Variants in UGT3A1 observed in about 807,000 individuals in gnomAD.
The protein encoded by UGT3A1 is UDP glycosyltransferase family 3 member A1, also known as UDP-glycosyltransferase 3A1.
UGT3A1 carries 40 observed loss-of-function variants against 37.6 expected under a neutral mutation model. That is an observed-to-expected ratio of 1.06 (90% confidence interval 0.83 to 1.38). The LOEUF is 1.38. Among genes scored for constraint, UGT3A1 ranks in the 40% most tolerant of loss-of-function variants. The pLI is 0.00. For synonymous variants in UGT3A1, 256 were observed against 232.3 expected (o/e 1.10, Z -0.93); for missense variants, 642 against 634.2 (o/e 1.01, Z -0.13).
In UGT3A1 at chr5:35,951,944, T is replaced by C. The variant is rs1456195745; in HGVS notation, c.*2258A>G. ...CTAGCAGTATTTGTTCCAGGCACTA[T>C]GCCAGGTTCTATAACAAGATAAATA... On this transcript the variant is annotated 3_prime_UTR_variant, in exon 7 of 7. Coordinates refer to ENST00000274278, the MANE Select transcript of UGT3A1 (RefSeq NM_152404.4). 2 of 152,242 alleles carry C rather than the reference T, an allele frequency of 1.3e-5. No homozygotes were observed. The highest frequency in any genetic ancestry group is 2.4e-5 in the African/African-American group (1 of 41,454). 9.4% of individuals were successfully genotyped at this position (152,242 alleles called of 1,614,324 possible).
chr5:35,997,478 A>C (rs1741124579), intron 1 of UGT3A1: 1 of 151,444 alleles, frequency 6.6e-6, no homozygotes, highest in Non-Finnish European at 1.5e-5. Flanking sequence ...CCCAAGCTGG[A>C]GTGCAATGGT....
Position 35,957,293 on chromosome 5 carries a change from G to C in UGT3A1, c.970C>G (p.Pro324Ala). 1 of 1,614,148 alleles carries C rather than the reference G, an allele frequency of 6.2e-7. No individual in the cohort carries two copies. The highest frequency in any genetic ancestry group is 2.2e-5 in the East Asian group (1 of 44,878). The change falls in exon 5 of 7, where the codon CCT becomes GCT. Residue 324 changes from proline to alanine, a missense_variant. Pro to Ala is a conservative substitution (Grantham distance 27). Coordinates refer to ENST00000274278, the MANE Select transcript of UGT3A1 (RefSeq NM_152404.4). ...TGACATGTCCATATCACTCCTTGAG[G>C]GAGGTGGGCAAAGGCATTGTGCATC... ...KKMHNAFAHL[P>A]QGVIWTCQSS... is the part of the protein sequence containing the mutation.
upstream of UGT3A1, among the ~76,000 whole-genome samples, chr5:35,994,328 TTTGTTTG>T (rs1218346781): frequency 2.5e-5 from 3 of 119,844 alleles, no homozygotes; most frequent in Non-Finnish European, 5.2e-5. Context: ...TTTGTTTTGT[TTTGTTTG>T]TGTGTGTGTG....
chr5:35,977,054 G>C (rs1740310310), intron 2 of UGT3A1, among the ~76,000 whole-genome samples: 1 of 141,440 alleles, frequency 7.1e-6, no homozygotes, highest in African/African-American at 2.6e-5. Flanking sequence ...GGGAGAAAGA[G>C]AAGAGAAAGA....
chr5:35,997,513 G>C (rs969343634), intron 1 of UGT3A1, among the ~76,000 whole-genome samples: 4 of 151,078 alleles, frequency 2.6e-5, no homozygotes, highest in African/African-American at 9.8e-5. Flanking sequence ...TGCAACCTCC[G>C]CCTCCCAGGT....
At position 35,972,887 on chromosome 5, in the gene UGT3A1, G is replaced by GAA. The variant is rs5867299; in HGVS notation, c.197-4756_197-4755dup. On this transcript the variant is annotated intron_variant, in intron 2 of 6. Coordinates refer to ENST00000274278, the MANE Select transcript of UGT3A1 (RefSeq NM_152404.4). Reference sequence around the variant, plus strand: ...ACCTGAAAGCTTCTTTGTCTGCCCTGAAAAAAAAAAAAATCTCCTATAGCT... The same window carrying GAA: ...ACCTGAAAGCTTCTTTGTCTGCCCTGAAAAAAAAAAAAAAATCTCCTATAGCT... 8.6e-3 allele frequency among the ~76,000 whole-genome samples: 1,260 copies of GAA among 146,930 alleles called. 7 individuals are homozygous for GAA. Among genetic ancestry groups the GAA allele is most frequent in the Non-Finnish European group, 0.013 (861 of 66,682 alleles).
chr5:35,991,344 C>A lies in UGT3A1; in HGVS notation c.-104G>T. On this transcript the variant is annotated 5_prime_UTR_variant, in exon 1 of 7. Coordinates refer to ENST00000274278, the MANE Select transcript of UGT3A1 (RefSeq NM_152404.4). ...GTACTCCAAAGGCACTGGCTGTGGG[C>A]CTAGGAAGAGGTAGGAGACGGATCC... 1 of 1,546,100 alleles carries A rather than the reference C, an allele frequency of 6.5e-7. No homozygotes were observed. Among genetic ancestry groups the A allele is most frequent in the Non-Finnish European group, 8.7e-7 (1 of 1,148,082 alleles).
chr5:35,961,554 C>T (rs565117702), intron 4 of UGT3A1: 14 of 152,246 alleles, frequency 9.2e-5, no homozygotes, highest in African/African-American at 3.4e-4. Flanking sequence ...TGTATAGAAG[C>T]GGTTCAACTT....
chr5:35,979,850 A>C (rs1740447629), intron 2 of UGT3A1, among the ~76,000 whole-genome samples: 1 of 152,232 alleles, frequency 6.6e-6, no homozygotes, highest in African/African-American at 2.4e-5. Flanking sequence ...GAGGCCCCAC[A>C]ATCATGGCAG....
rs748738288 is a variant in UGT3A1, at chr5:35,957,419, C to A, written c.844G>T (p.Asp282Tyr). 6.2e-7 allele frequency: 1 copy of A among 1,612,918 alleles called. No individual in the cohort carries two copies. Among genetic ancestry groups the A allele is most frequent in the Non-Finnish European group, 8.5e-7 (1 of 1,179,458 alleles). Residue 282 changes from aspartate (D) to tyrosine (Y), a missense_variant and splice_region_variant, in exon 5 of 7, where the codon GAC becomes TAC. Coordinates refer to ENST00000274278, the MANE Select transcript of UGT3A1 (RefSeq NM_152404.4). ...AAGTTGGCAATGAAGTTGTCCAAGT[C>A]CTAGAGAGAGATGACAAAAGAAAGG... ...MEKPIKPVPQDLDNFIANFGD... is the reference protein window; with the variant it reads ...MEKPIKPVPQYLDNFIANFGD...
chr5:35,973,395 A>G (rs1740131502), intron 2 of UGT3A1, among the ~76,000 whole-genome samples: 1 of 152,172 alleles, frequency 6.6e-6, no homozygotes. Context: ...GTAAAGTTTG[A>G]TTAGATTGAA....
intron 2 of UGT3A1, among the ~76,000 whole-genome samples, chr5:35,982,182 C>A (rs1740551692): frequency 6.6e-6 from 1 of 152,226 alleles, no homozygotes; most frequent in Admixed American, 6.5e-5. Context: ...TCTACTAGGG[C>A]AGTGCAGAGG....
intron 6 of UGT3A1, 31 bp from the exon 7 acceptor site, chr5:35,954,509 T>C: frequency 6.2e-7 from 1 of 1,606,264 alleles, no homozygotes; most frequent in Non-Finnish European, 8.5e-7. Flanking sequence ...GGTGTGTTAC[T>C]GACGTAGCCT....
intron 4 of UGT3A1, chr5:35,962,862 A>C (rs1739645461): frequency 1.4e-6 from 1 of 702,338 alleles, no homozygotes; most frequent in Non-Finnish European, 2.6e-6. Context: ...TTTTTCCTCC[A>C]GATTCTGAGG....
chr5:35,965,557 G>A lies in UGT3A1; in HGVS notation c.672C>T (p.Thr224=). The change falls in exon 4 of 7, where the codon ACC becomes ACT. Residue 224 remains threonine (T), a synonymous_variant. Coordinates refer to ENST00000274278, the MANE Select transcript of UGT3A1 (RefSeq NM_152404.4). ...QWDMQSTFDN[T]IKEHFPEGSR... Reference sequence around the variant, plus strand: ...AGCCTTCTGGGAAATGCTCCTTGATGGTGTTGTCAAATGTAGACTGCATGT... The same window carrying A: ...AGCCTTCTGGGAAATGCTCCTTGATAGTGTTGTCAAATGTAGACTGCATGT... The A allele has an allele frequency of 6.2e-7, 1 of 1,614,194 alleles. No homozygotes were observed. Among genetic ancestry groups the A allele is most frequent in the South Asian group, 1.1e-5 (1 of 91,084 alleles).
intron 1 of UGT3A1, 50 bp downstream of exon 1, chr5:35,991,097 G>A (rs1336154462): frequency 2.5e-6 from 4 of 1,614,128 alleles, no homozygotes; most frequent in Admixed American, 1.7e-5. Context: ...CCCTGGCAGT[G>A]CGGGGATCCG....
intron 2 of UGT3A1, among the ~76,000 whole-genome samples, chr5:35,983,562 C>T (rs936926023): frequency 6.6e-6 from 1 of 152,086 alleles, no homozygotes; most frequent in African/African-American, 2.4e-5. Flanking sequence ...CAGCCATACT[C>T]TGATACCAAA....
intron 2 of UGT3A1, among the ~76,000 whole-genome samples, chr5:35,982,370 C>A (rs377031174): frequency 3.6e-4 from 55 of 152,322 alleles, no homozygotes; most frequent in African/African-American, 1.3e-3. Context: ...GGCAGAGCTA[C>A]CCAAGGCCTT....
In UGT3A1 at chr5:35,957,215, C is replaced by T. The variant is rs753593549; in HGVS notation, c.1048G>A (p.Asp350Asn). 3.7e-6 allele frequency: 6 copies of T among 1,614,146 alleles called. No homozygotes were observed. The South Asian group carries it at 5.5e-5, about 15-fold the overall frequency. ...VHLATNVKIVDWLPQSDLLAH... is the reference protein window; with the variant it reads ...VHLATNVKIVNWLPQSDLLAH... ...AGGAGGTCACTCTGAGGAAGCCAGT[C>T]CACAATTTTCACATTTGTGGCCAAA... The change falls in exon 5 of 7, where the codon GAC (aspartate) becomes AAC (asparagine). Residue 350 changes from aspartate (D) to asparagine (N), a missense_variant. Coordinates refer to ENST00000274278, the MANE Select transcript of UGT3A1 (RefSeq NM_152404.4).
Sources: allele counts gnomAD v4.1 joint callset (sites outside exome capture counted in the v4.1 genomes callset), GRCh38; gene constraint gnomAD v4.1.1; transcripts MANE v1.5; gene names NCBI Gene and HGNC (gene_info 2026-07-23, HGNC 2026-07-21).